Variants in MACROD2 observed in about 807,000 individuals in gnomAD.
MACROD2 encodes mono-ADP ribosylhydrolase 2, also known as ADP-ribose glycohydrolase MACROD2.
In MACROD2, 36 loss-of-function variants were observed where a neutral mutation model predicts 70.4. The observed-to-expected ratio is 0.51, with a 90% CI of 0.39 to 0.68. MACROD2 has a LOEUF of 0.68. Among genes scored for constraint, MACROD2 ranks in the 30% least tolerant of loss-of-function variants. MACROD2 has a pLI of 0.00. For missense variants in MACROD2, 496 were observed against 538.4 expected, an observed-to-expected ratio of 0.92 and a Z score of 0.78; for synonymous variants, 172 against 178.8, an observed-to-expected ratio of 0.96 and a Z score of 0.30.
intron 4 of MACROD2, among the ~76,000 whole-genome samples, chr20:14,627,665 AAT>A (rs1405472368): frequency 1.3e-5 from 2 of 152,222 alleles, no homozygotes; most frequent in African/African-American, 4.8e-5. Context: ...CAGTGAAGTT[AAT>A]ATGTTTTCTG....
At chr20:14,435,333 C>T (rs1470589766) in intron 3 of MACROD2, among the ~76,000 whole-genome samples, 2 of 152,140 alleles carry the variant, frequency 1.3e-5, no homozygotes, top group East Asian at 1.9e-4. Flanking sequence ...AGGATGATGT[C>T]ATCTCAGGAT....
intron 3 of MACROD2, among the ~76,000 whole-genome samples, chr20:14,468,857 C>T (rs1282987382): frequency 6.6e-6 from 1 of 152,094 alleles, no homozygotes; most frequent in Admixed American, 6.5e-5. Flanking sequence ...CTCCTGAATA[C>T]AGCACCCCGA....
In MACROD2 at chr20:14,717,801, A is replaced by T. The variant is rs556448783; in HGVS notation, c.418+32842A>T. Among the ~76,000 whole-genome samples, 3 of 152,216 alleles carry T rather than the reference A, an allele frequency of 2.0e-5. No homozygotes were observed. The East Asian group carries it at 5.8e-4, about 29-fold the overall frequency. On this transcript the variant is annotated intron_variant, in intron 5 of 17. Transcript: ENST00000684519. ...TTCTCAGAAAACCAGGGAGATAGGG[A>T]GGATGTTATCAGGCCCTTTGACCTT...
At chr20:15,288,582 C>G (rs147621811) in intron 6 of MACROD2, among the ~76,000 whole-genome samples, 188 of 152,238 alleles carry the variant, frequency 1.2e-3, no homozygotes, top group African/African-American at 4.3e-3. Context: ...AACAAAAAGG[C>G]AGAAGAAAGG....
intron 5 of MACROD2, among the ~76,000 whole-genome samples, chr20:14,742,920 C>G (rs1344675180): frequency 6.6e-6 from 1 of 150,982 alleles, no homozygotes; most frequent in African/African-American, 2.5e-5. Context: ...GCGCCCGCCA[C>G]TATGCCCGGC....
chr20:15,679,485 G>A (rs1490303867), intron 8 of MACROD2, among the ~76,000 whole-genome samples: 1 of 152,160 alleles, frequency 6.6e-6, no homozygotes. Context: ...CATGCCCTAT[G>A]CAGTTTTATC....
chr20:15,351,970 A>G (rs1239401043), intron 6 of MACROD2, among the ~76,000 whole-genome samples: 1 of 152,144 alleles, frequency 6.6e-6, no homozygotes, highest in Non-Finnish European at 1.5e-5. Flanking sequence ...TGCAGTGAAA[A>G]TGGTCTAATG....
chr20:15,106,087 C>A (rs2123207487), intron 5 of MACROD2, among the ~76,000 whole-genome samples: 1 of 152,228 alleles, frequency 6.6e-6, no homozygotes, highest in South Asian at 2.1e-4. Context: ...TAAATACATA[C>A]AACTATAATT....
intron 4 of MACROD2, among the ~76,000 whole-genome samples, chr20:14,660,080 A>G (rs558922173): frequency 3.1e-4 from 47 of 152,166 alleles, no homozygotes; most frequent in Middle Eastern, 3.4e-3. Flanking sequence ...TACTTGATCC[A>G]CTCATTGGTT....
intron 7 of MACROD2, among the ~76,000 whole-genome samples, chr20:15,447,338 C>T (rs1007492227): frequency 2.0e-5 from 3 of 152,150 alleles, no homozygotes; most frequent in African/African-American, 4.8e-5. Flanking sequence ...GCAGATTGGT[C>T]GGTGCCTTTG....
intron 15 of MACROD2, among the ~76,000 whole-genome samples, chr20:16,022,524 A>G (rs867705835): frequency 1.3e-5 from 2 of 152,182 alleles, no homozygotes; most frequent in Admixed American, 6.5e-5. Context: ...AAGAATCACT[A>G]GGGCAGCTTG....
intron 3 of MACROD2, among the ~76,000 whole-genome samples, chr20:14,259,046 A>T (rs1399956120): frequency 6.6e-6 from 1 of 152,126 alleles, no homozygotes; most frequent in East Asian, 1.9e-4. Context: ...GGGTTCAAGC[A>T]ATTCCCCTGC....
chr20:15,526,045 T>G (rs191839694), intron 8 of MACROD2, among the ~76,000 whole-genome samples: 113 of 152,348 alleles, frequency 7.4e-4, no homozygotes, highest in African/African-American at 2.6e-3. Flanking sequence ...CTTTAAGTTT[T>G]CAAAAAGAGA....
At chr20:15,260,515 C>G (rs1040221052) in intron 6 of MACROD2, among the ~76,000 whole-genome samples, 2 of 151,756 alleles carry the variant, frequency 1.3e-5, no homozygotes, top group East Asian at 1.9e-4. Context: ...TACCATTTTT[C>G]TTTATTCAAC....
intron 8 of MACROD2, among the ~76,000 whole-genome samples, chr20:15,524,568 G>A (rs1266121912): frequency 6.6e-5 from 10 of 152,120 alleles, no homozygotes; most frequent in Non-Finnish European, 1.3e-4. Flanking sequence ...TTCTGTTCTA[G>A]GTGAATGATG....
intron 6 of MACROD2, among the ~76,000 whole-genome samples, chr20:15,250,308 CT>C (rs2077144101): frequency 6.6e-6 from 1 of 152,166 alleles, no homozygotes; most frequent in Non-Finnish European, 1.5e-5. Flanking sequence ...TTGTACACAG[CT>C]TTTATGTGGC....
At chr20:15,752,066 T>C (rs935765065) in intron 8 of MACROD2, among the ~76,000 whole-genome samples, 36 of 152,066 alleles carry the variant, frequency 2.4e-4, no homozygotes, top group African/African-American at 7.9e-4. Context: ...AGTTCAGGCT[T>C]TGTCACCTAG....
intron 3 of MACROD2, among the ~76,000 whole-genome samples, chr20:14,196,481 G>T (rs2081433944): frequency 6.6e-6 from 1 of 152,174 alleles, no homozygotes; most frequent in Admixed American, 6.5e-5. Context: ...TCTGTGCTTT[G>T]CCCTTTCCAC....
chr20:14,188,622 A>G (rs2081362478), intron 3 of MACROD2, among the ~76,000 whole-genome samples: 1 of 152,104 alleles, frequency 6.6e-6, no homozygotes, highest in Non-Finnish European at 1.5e-5. Context: ...TCCTGCTGTT[A>G]TGCAACACTG....
Sources: gnomAD v4.1 joint callset for allele counts (sites outside exome capture counted in the v4.1 genomes callset) on GRCh38, gnomAD v4.1.1 for gene constraint, MANE v1.5 for transcripts, NCBI Gene and HGNC (gene_info 2026-07-23, HGNC 2026-07-21) for gene names.